OSMR: variants seen among roughly 807,000 people sequenced by gnomAD.
OSMR encodes the protein oncostatin-M-specific receptor subunit beta.
In OSMR, 81 loss-of-function variants were observed where a neutral mutation model predicts 99.9. The ratio of observed to expected loss-of-function variants is 0.81; its 90% CI spans 0.68 to 0.97. OSMR has a LOEUF of 0.97. Among genes scored for constraint, OSMR ranks in the 50% least tolerant of loss-of-function variants. OSMR has a pLI of 0.00. For synonymous variants in OSMR, 406 were observed against 410.4 expected, an observed-to-expected ratio of 0.99 and a Z score of 0.13; for missense variants, 1,099 against 1,153.4, an observed-to-expected ratio of 0.95 and a Z score of 0.68.
At chr5:38,940,910 T>C in intron 1 of OSMR, 1 of 232,500 alleles carries the variant, frequency 4.3e-6, no homozygotes, top group Non-Finnish European at 8.5e-6. Context: ...AAAACTGATG[T>C]GTAATTGTAA....
In OSMR at chr5:38,872,099, C is replaced by T. The variant is rs372023288; in HGVS notation, c.73+2982C>T. On this transcript the variant is annotated intron_variant, in intron 2 of 17. Transcript: ENST00000274276. ...GGCAAAGTCACTTCCCATTTTTTAA[C>T]CTCAATTTCCTCGTCTGAAAAATAA... is the stretch of plus-strand genomic sequence containing the variant. Among the ~76,000 whole-genome samples, 31 of 152,260 alleles carry T rather than the reference C, an allele frequency of 2.0e-4. 1 individual carries two copies. The highest frequency in any genetic ancestry group is 7.2e-4 in the African/African-American group (30 of 41,540).
At chr5:38,903,228 G>A (rs549664493) in intron 7 of OSMR, among the ~76,000 whole-genome samples, 2 of 152,186 alleles carry the variant, frequency 1.3e-5, no homozygotes, top group Non-Finnish European at 2.9e-5. Flanking sequence ...CCATCAGACA[G>A]GCAGCAAGGG....
intron 1 of OSMR, among the ~76,000 whole-genome samples, chr5:38,861,728 G>A (rs532777897): frequency 6.0e-5 from 9 of 149,374 alleles, no homozygotes; most frequent in East Asian, 2.1e-4. Context: ...GCGGACAGGG[G>A]GGCTGGCCGG....
At chr5:38,893,291 C>T (rs897054073) in intron 7 of OSMR, among the ~76,000 whole-genome samples, 22 of 152,142 alleles carry the variant, frequency 1.4e-4, no homozygotes, top group Admixed American at 1.4e-3. Flanking sequence ...TCATGAAAAT[C>T]GAAATGTTGT....
rs139417993 is a variant in OSMR at position 38,889,099 on chromosome 5, G to A, written c.991+2909G>A. On this transcript the variant is annotated intron_variant, in intron 7 of 17. Transcript: ENST00000274276. ...CTTGGTTTTTTTGCCTAGATGCCCA[G>A]AGGATTTTTTTCTTTTTCTTTAAAA... is the stretch of plus-strand genomic sequence containing the variant. Among the ~76,000 whole-genome samples, 399 of 152,120 alleles carry A rather than the reference G, an allele frequency of 2.6e-3. 1 individual carries two copies. Among genetic ancestry groups the A allele is most frequent in the African/African-American group, 9.1e-3 (378 of 41,532 alleles).
intron 1 of OSMR, among the ~76,000 whole-genome samples, chr5:38,857,715 T>G (rs1740964358): frequency 6.6e-6 from 1 of 152,206 alleles, no homozygotes; most frequent in African/African-American, 2.4e-5. Context: ...TCGCCTAGGC[T>G]GGAGTGCAAT....
chr5:38,916,154 A>T (rs939642957), intron 9 of OSMR, among the ~76,000 whole-genome samples: 2 of 152,256 alleles, frequency 1.3e-5, no homozygotes, highest in Non-Finnish European at 2.9e-5. Context: ...AGATGTACTC[A>T]TCTTAATAGG....
chr5:38,887,920 C>G (rs1161178070), intron 7 of OSMR, among the ~76,000 whole-genome samples: 4 of 152,026 alleles, frequency 2.6e-5, no homozygotes, highest in African/African-American at 4.8e-5. Flanking sequence ...GCTACTGATA[C>G]GGCTCCAATG....
chr5:38,917,283 T>G (rs753406834), intron 9 of OSMR: 1 of 278,348 alleles, frequency 3.6e-6, no homozygotes, highest in Non-Finnish European at 5.4e-6. Flanking sequence ...TCCAAACTTC[T>G]TTGGTAGTTG....
intron 7 of OSMR, among the ~76,000 whole-genome samples, chr5:38,902,845 A>G (rs560848366): frequency 1.3e-5 from 2 of 152,158 alleles, no homozygotes; most frequent in Non-Finnish European, 2.9e-5. Flanking sequence ...CTCCAGATGC[A>G]TCTGAATACC....
In OSMR at chr5:38,933,428, G is replaced by T; in HGVS notation, c.2924G>T (p.Gly975Val). Residue 975 changes from glycine to valine, a missense_variant, in exon 18 of 18, where the codon GGT becomes GTT. By Grantham distance (109) the Gly-to-Val change is moderately radical. Transcript: ENST00000274276. ...TCCTCAATTACCCTTTTAGATCCAG[G>T]TGAACACTACTGCTAACCAGCATGC... ...SLSSITLLDP[G>V]EHYC is the part of the protein sequence containing the mutation. The T allele has an allele frequency of 6.2e-7, 1 of 1,614,000 alleles. No individual in the cohort carries two copies. The highest frequency in any genetic ancestry group is 8.5e-7 in the Non-Finnish European group (1 of 1,179,970).
chr5:38,940,085 A>G (rs1747375503), downstream of OSMR: 1 of 215,280 alleles, frequency 4.6e-6, no homozygotes. Context: ...TAAGTGATAT[A>G]GGCAGATATG....
rs775120762 is a variant in OSMR, at chr5:38,921,805, G to A, written c.1765+11G>A. ...CAGTCATTAGCACAGGTAAGAAGAA[G>A]CTTCCATATCATCGCATTGCTATAT... On this transcript the variant is annotated intron_variant, in intron 12 of 17. Transcript: ENST00000274276. 1.2e-6 allele frequency: 2 copies of A among 1,604,482 alleles called. No individual in the cohort carries two copies. Among genetic ancestry groups the A allele is most frequent in the African/African-American group, 2.7e-5 (2 of 74,844 alleles).
At chr5:38,943,005 T>C (rs1001146889) in intron 1 of OSMR, 10 of 1,503,862 alleles carry the variant, frequency 6.6e-6, no homozygotes, top group Non-Finnish European at 9.2e-6. Flanking sequence ...ATGAAAACTG[T>C]AATCATGATG....
intron 2 of OSMR, chr5:38,944,886 T>A: frequency 6.2e-7 from 1 of 1,603,096 alleles, no homozygotes; most frequent in Non-Finnish European, 8.5e-7. Flanking sequence ...TTACTAATAA[T>A]GATTGGATTT....
rs1432930162 is a variant in OSMR, at chr5:38,859,711, T to C, written c.-13-9321T>C. On this transcript the variant is annotated intron_variant, in intron 1 of 17. Coordinates refer to ENST00000274276, the MANE Select transcript of OSMR (RefSeq NM_003999.3). ...GGTGATATGGTCATTTTAACAATATTATTTCTTCCAATTTATGAGAATGTA... is the reference window on the plus strand; with the variant it reads ...GGTGATATGGTCATTTTAACAATATCATTTCTTCCAATTTATGAGAATGTA... 2.7e-5 allele frequency among the ~76,000 whole-genome samples: 4 copies of C among 150,882 alleles called. No individual in the cohort carries two copies. In the South Asian group the frequency reaches 8.7e-4, roughly 33 times the overall value.
exon 3 of OSMR, chr5:38,945,027 T>A (rs774507050): frequency 1.9e-6 from 3 of 1,611,818 alleles, no homozygotes; most frequent in Non-Finnish European, 1.7e-6. Flanking sequence ...GGATTATGGA[T>A]AGTCTGCTCA....
chr5:38,902,628 A>G (rs1744968739), intron 7 of OSMR, among the ~76,000 whole-genome samples: 1 of 152,118 alleles, frequency 6.6e-6, no homozygotes. Context: ...TTTGGCAACA[A>G]CCCTAACTGC....
intron 13 of OSMR, among the ~76,000 whole-genome samples, chr5:38,923,888 C>CA (rs746966065): frequency 4.6e-5 from 7 of 152,160 alleles, no homozygotes; most frequent in Non-Finnish European, 5.9e-5. Context: ...TGTGGGAAAA[C>CA]AGCCTCAGCA....
Sources: gnomAD v4.1 joint callset for allele counts (sites outside exome capture counted in the v4.1 genomes callset) on GRCh38, gnomAD v4.1.1 for gene constraint, MANE v1.5 for transcripts, NCBI Gene and HGNC (gene_info 2026-07-23, HGNC 2026-07-21) for gene names.